NPAS3: variants seen among roughly 807,000 people sequenced by gnomAD.
NPAS3 encodes neuronal PAS domain-containing protein 3.
In NPAS3, 14 loss-of-function variants were observed where a neutral mutation model predicts 73.1. That is an observed-to-expected ratio of 0.19 (90% confidence interval 0.13 to 0.30). The LOEUF (loss-of-function observed/expected upper bound fraction) is 0.30, where lower values mean the gene tolerates loss of function less well. Ranked by LOEUF, NPAS3 falls within the 10% of genes least tolerant of loss-of-function variation. The pLI, the probability that NPAS3 is intolerant of heterozygous loss-of-function variation, is 1.00. For missense variants in NPAS3, 1,096 were observed against 1,250.0 expected (o/e 0.88, Z 1.86); for synonymous variants, 620 against 541.5 (o/e 1.14, Z -2.01).
chr14:33,330,048 G>A (rs1566802365), intron 3 of NPAS3, among the ~76,000 whole-genome samples: 1 of 152,114 alleles, frequency 6.6e-6, no homozygotes, highest in Non-Finnish European at 1.5e-5. Context: ...TTCGAGACCA[G>A]CCTGGCCAAC....
In NPAS3 at chr14:33,023,813, A is replaced by G. The variant is rs189055918; in HGVS notation, c.51-32092A>G. ...TTGCTTATTGTGCATGTATTTACAG[A>G]CCATGCAAAAATCCATCATCCGTAG... On this transcript the variant is annotated intron_variant, in intron 1 of 11. Transcript: ENST00000356141. 4.6e-5 allele frequency among the ~76,000 whole-genome samples: 7 copies of G among 152,290 alleles called. No homozygotes were observed. The East Asian group carries it at 1.4e-3, about 29-fold the overall frequency.
intron 5 of NPAS3, among the ~76,000 whole-genome samples, chr14:33,563,158 T>C (rs2055736238): frequency 1.3e-5 from 2 of 152,226 alleles, no homozygotes; most frequent in Non-Finnish European, 2.9e-5. Flanking sequence ...TATGTCTGTA[T>C]TGCTAACTCT....
intron 3 of NPAS3, among the ~76,000 whole-genome samples, chr14:33,277,367 C>T (rs1452998853): frequency 6.6e-6 from 1 of 152,078 alleles, no homozygotes; most frequent in Non-Finnish European, 1.5e-5. Flanking sequence ...ATTTATTTTT[C>T]AGAATTATCA....
intron 1 of NPAS3, among the ~76,000 whole-genome samples, chr14:32,986,337 CTTTAA>C (rs1472763245): frequency 2.0e-5 from 3 of 152,158 alleles, no homozygotes; most frequent in African/African-American, 4.8e-5. Context: ...AGTATAGTCT[CTTTAA>C]TTTAAAATAT....
At position 32,997,351 on chromosome 14, in the gene NPAS3, T is replaced by C. The variant is rs1327821895; in HGVS notation, c.50+57985T>C. Among the ~76,000 whole-genome samples the C allele has an allele frequency of 5.3e-5, 8 of 152,224 alleles. No individual in the cohort carries two copies. In the East Asian group the frequency reaches 1.5e-3, roughly 29 times the overall value. ...TTAATGCTGAAATGAGTTGAGACTT[T>C]GGGGGACTATTGGGAAGGCATGATT... On this transcript the variant is annotated intron_variant, in intron 1 of 11. Coordinates refer to ENST00000356141, the Ensembl canonical transcript of NPAS3.
chr14:33,555,013 T>A (rs72682305), intron 4 of NPAS3, among the ~76,000 whole-genome samples: 16,726 of 149,444 alleles, frequency 0.11, 971 homozygotes, highest in African/African-American at 0.12. Context: ...AATTACAGGC[T>A]TTATTATTCA....
At chr14:33,474,427 G>A (rs1369528000) in intron 4 of NPAS3, among the ~76,000 whole-genome samples, 2 of 152,088 alleles carry the variant, frequency 1.3e-5, no homozygotes, top group African/African-American at 4.8e-5. Flanking sequence ...CAAAACATAT[G>A]TGTTACTTTA....
chr14:33,650,371 C>G (rs1204205168), intron 5 of NPAS3, among the ~76,000 whole-genome samples: 1 of 152,068 alleles, frequency 6.6e-6, no homozygotes, highest in East Asian at 1.9e-4. Flanking sequence ...AGTTTATTTC[C>G]CAGATGTAAA....
chr14:33,390,572 G>A (rs916384600), intron 4 of NPAS3, among the ~76,000 whole-genome samples: 18 of 152,194 alleles, frequency 1.2e-4, no homozygotes, highest in Non-Finnish European at 2.6e-4. Flanking sequence ...TGCTTCTGTA[G>A]AGAGAGATGA....
In NPAS3 at chr14:33,674,739, G is replaced by A. The variant is rs76946317; in HGVS notation, c.559-1472G>A. Among the ~76,000 whole-genome samples the A allele has an allele frequency of 4.1e-3, 617 of 152,306 alleles. 5 individuals carry two copies. The highest frequency in any genetic ancestry group is 0.014 in the African/African-American group (573 of 41,560). The stretch of plus-strand genomic sequence containing the variant: ...GCCTAATTTTCCGTAAAAGTTACGC[G>A]AGCCTTTTTCAGGAATAGCTATTAA... On this transcript the variant is annotated intron_variant, in intron 5 of 11. Transcript: ENST00000356141.
chr14:33,627,629 G>A (rs1212210036), intron 5 of NPAS3, among the ~76,000 whole-genome samples: 10 of 152,256 alleles, frequency 6.6e-5, no homozygotes, highest in East Asian at 1.9e-4. Flanking sequence ...GGTTTTTCAC[G>A]CACATAACTT....
intron 1 of NPAS3, among the ~76,000 whole-genome samples, chr14:33,009,402 G>A (rs1014718563): frequency 1.3e-5 from 2 of 152,118 alleles, no homozygotes; most frequent in African/African-American, 4.8e-5. Flanking sequence ...GCAAAGTTTG[G>A]ATTGATATGG....
At chr14:33,111,839 C>A (rs1469431337) in intron 2 of NPAS3, among the ~76,000 whole-genome samples, 1 of 146,300 alleles carries the variant, frequency 6.8e-6, no homozygotes, top group Non-Finnish European at 1.5e-5. Context: ...CCACAACAGG[C>A]CCCGGTGTGT....
intron 5 of NPAS3, among the ~76,000 whole-genome samples, chr14:33,566,890 A>AAACATGTCACCTGTGCTATTTGGCTTTG (rs1172018651): frequency 6.6e-6 from 1 of 152,216 alleles, no homozygotes; most frequent in Non-Finnish European, 1.5e-5. Context: ...AAGGCCCAGA[A>AAACATGTCACCTGTGCTATTTGGCTTTG]AACATGTCAC....
At chr14:33,643,823 G>C (rs2058747415) in intron 5 of NPAS3, among the ~76,000 whole-genome samples, 1 of 152,134 alleles carries the variant, frequency 6.6e-6, no homozygotes. Context: ...AATTTTTCAA[G>C]CTCAAGTCCA....
In NPAS3 at chr14:33,582,970, G is replaced by GTTTTTTTTTTTTTTTTTTTTTTTTTTTTT. The variant is rs55885070; in HGVS notation, c.558+22776_558+22777insTTTTTTTTTTTTTTTTTTTTTTTTTTTTT. Among the ~76,000 whole-genome samples the GTTTTTTTTTTTTTTTTTTTTTTTTTTTTT allele has an allele frequency of 5.4e-5, 5 of 93,302 alleles. 1 individual carries two copies. The highest frequency in any genetic ancestry group is 1.6e-4 in the African/African-American group (2 of 12,772). The allele number at this position is 93,302 out of a possible 152,430, so 61.2% of individuals were successfully genotyped here. Reference sequence around the variant, plus strand: ...TCCTTTGGACCTAGATATTTAAAGGGTTTTTTTTTTTTTTTTGGCTACTGG... The same window carrying GTTTTTTTTTTTTTTTTTTTTTTTTTTTTT: ...TCCTTTGGACCTAGATATTTAAAGGGTTTTTTTTTTTTTTTTTTTTTTTTTTTTTTTTTTTTTTTTTTTTTGGCTACTGG... On this transcript the variant is annotated intron_variant, in intron 5 of 11. Coordinates refer to ENST00000356141, the Ensembl canonical transcript of NPAS3.
intron 6 of NPAS3, among the ~76,000 whole-genome samples, chr14:33,678,228 G>A (rs60166468): frequency 0.038 from 5,775 of 152,226 alleles, 375 homozygotes; most frequent in African/African-American, 0.13. Context: ...ATGAACTTGC[G>A]AGGCTGCCCA....
chr14:33,405,375 T>A lies in NPAS3; in HGVS notation c.468+38107T>A, dbSNP rs560187716. Among the ~76,000 whole-genome samples, 16 of 152,216 alleles carry A rather than the reference T, an allele frequency of 1.1e-4. No homozygotes were observed. In the East Asian group the frequency reaches 2.9e-3, roughly 28 times the overall value. ...TGCAATTTATGAGGGAAAGTCTCCTTCCTTTCACCTCAGAAGTAATTCACA... is the reference window on the plus strand; with the variant it reads ...TGCAATTTATGAGGGAAAGTCTCCTACCTTTCACCTCAGAAGTAATTCACA... On this transcript the variant is annotated intron_variant, in intron 4 of 11. Transcript: ENST00000356141.
intron 2 of NPAS3, among the ~76,000 whole-genome samples, chr14:33,140,214 A>G (rs991613781): frequency 6.6e-6 from 1 of 152,152 alleles, no homozygotes; most frequent in Admixed American, 6.5e-5. Flanking sequence ...GCATATCTTG[A>G]CATAAATATC....
Sources: gnomAD v4.1 joint callset for allele counts (sites outside exome capture counted in the v4.1 genomes callset) on GRCh38, gnomAD v4.1.1 for gene constraint, MANE v1.5 for transcripts, NCBI Gene and HGNC (gene_info 2026-07-23, HGNC 2026-07-21) for gene names.